ZNF423: variants seen among roughly 807,000 people sequenced by gnomAD.
ZNF423 encodes Ebf-associated zinc finger protein.
A neutral mutation model predicts 95.8 loss-of-function variants in ZNF423; 12 were observed. The ratio of observed to expected loss-of-function variants is 0.13; its 90% CI spans 0.08 to 0.20. ZNF423 has a LOEUF of 0.20. Ranked by LOEUF, ZNF423 falls within the 10% of genes least tolerant of loss-of-function variation. The pLI is 1.00. For missense variants in ZNF423, 1,316 were observed against 1,737.1 expected (o/e 0.76, Z 4.31); for synonymous variants, 749 against 711.9 (o/e 1.05, Z -0.83).
intron 3 of ZNF423, among the ~76,000 whole-genome samples, chr16:49,687,789 G>A (rs755373973): frequency 4.0e-4 from 61 of 152,136 alleles, no homozygotes; most frequent in Non-Finnish European, 5.3e-4. Flanking sequence ...CGACAAACTC[G>A]TGCCTTTCAT....
At chr16:49,660,650 C>T (rs1305190361) in intron 3 of ZNF423, among the ~76,000 whole-genome samples, 1 of 152,148 alleles carries the variant, frequency 6.6e-6, no homozygotes, top group Non-Finnish European at 1.5e-5. Flanking sequence ...CTCCAGTCTT[C>T]AGTGGGGTCT....
chr16:49,748,988 C>T (rs1470392866), intron 2 of ZNF423, among the ~76,000 whole-genome samples: 1 of 152,194 alleles, frequency 6.6e-6, no homozygotes, highest in Non-Finnish European at 1.5e-5. Context: ...CAGGCTGCAG[C>T]TTTTCCACAT....
chr16:49,659,456 T>C (rs1439337374), intron 3 of ZNF423, among the ~76,000 whole-genome samples: 1 of 152,210 alleles, frequency 6.6e-6, no homozygotes, highest in Non-Finnish European at 1.5e-5. Flanking sequence ...TTTTACGATG[T>C]ATTGTGCATT....
chr16:49,526,430 T>G (rs1447764501), intron 5 of ZNF423, among the ~76,000 whole-genome samples: 1 of 151,952 alleles, frequency 6.6e-6, no homozygotes, highest in African/African-American at 2.4e-5. Context: ...GGACACAGAG[T>G]GCCTGAGCAC....
chr16:49,561,319 A>G (rs1970009144), intron 5 of ZNF423, among the ~76,000 whole-genome samples: 1 of 152,234 alleles, frequency 6.6e-6, no homozygotes, highest in African/African-American at 2.4e-5. Context: ...TTAAATATTT[A>G]CCAACTATAT....
chr16:49,771,192 CTTTTTTTTTTT>C (rs71380376), intron 2 of ZNF423, among the ~76,000 whole-genome samples: 1 of 89,436 alleles, frequency 1.1e-5, no homozygotes, highest in African/African-American at 4.6e-5. Flanking sequence ...TTTTTTTTTT[CTTTTTTTTTTT>C]TTTTTTTTTG....
chr16:49,619,679 T>A (rs1455238383), intron 5 of ZNF423, among the ~76,000 whole-genome samples: 1 of 152,188 alleles, frequency 6.6e-6, no homozygotes, highest in African/African-American at 2.4e-5. Context: ...ACATGATCTC[T>A]GGAGGGAGAG....
At chr16:49,675,150 T>A (rs1355855087) in intron 3 of ZNF423, among the ~76,000 whole-genome samples, 2 of 152,318 alleles carry the variant, frequency 1.3e-5, no homozygotes, top group East Asian at 1.9e-4. Flanking sequence ...TCTACTAACA[T>A]GCTGTGTGAC....
At chr16:49,686,028 GC>G (rs1279157083) in intron 3 of ZNF423, among the ~76,000 whole-genome samples, 1 of 152,172 alleles carries the variant, frequency 6.6e-6, no homozygotes, top group African/African-American at 2.4e-5. Flanking sequence ...CTTCAAAGAA[GC>G]CTTTGCTTCT....
At chr16:49,677,089 G>A (rs901699885) in intron 3 of ZNF423, among the ~76,000 whole-genome samples, 14 of 150,842 alleles carry the variant, frequency 9.3e-5, no homozygotes, top group African/African-American at 2.0e-4. Flanking sequence ...GTGGTGGTGC[G>A]TGTCTGTAGT....
At chr16:49,815,875 AAAAAAAATATATATATATATAT>A (rs1480718505) in intron 1 of ZNF423, among the ~76,000 whole-genome samples, 1 of 62,132 alleles carries the variant, frequency 1.6e-5, no homozygotes, top group South Asian at 6.0e-4. Flanking sequence ...ACAAACAAAA[AAAAAAAATATATATATATATAT>A]ATATATATAT....
intron 5 of ZNF423, among the ~76,000 whole-genome samples, chr16:49,614,745 G>A (rs1214758080): frequency 6.6e-6 from 1 of 152,216 alleles, no homozygotes; most frequent in Non-Finnish European, 1.5e-5. Flanking sequence ...GAATCTGCAT[G>A]TGAATATACA....
chr16:49,751,665 A>C (rs2033635348), intron 2 of ZNF423, among the ~76,000 whole-genome samples: 1 of 152,216 alleles, frequency 6.6e-6, no homozygotes, highest in Non-Finnish European at 1.5e-5. Flanking sequence ...CTCAGCCAGA[A>C]CTAGTCTTCT....
chr16:49,794,538 G>A (rs1470456479), intron 1 of ZNF423, among the ~76,000 whole-genome samples: 1 of 152,160 alleles, frequency 6.6e-6, no homozygotes, highest in African/African-American at 2.4e-5. Context: ...AGTGGACTTC[G>A]AGTACCCTCT....
chr16:49,713,644 T>A (rs946696002), intron 3 of ZNF423, among the ~76,000 whole-genome samples: 3 of 152,172 alleles, frequency 2.0e-5, no homozygotes, highest in Non-Finnish European at 2.9e-5. Context: ...TATTAAATGC[T>A]CCTCCATCTC....
At chr16:49,715,513 G>A (rs545030758) in intron 3 of ZNF423, among the ~76,000 whole-genome samples, 3 of 152,364 alleles carry the variant, frequency 2.0e-5, no homozygotes, top group Admixed American at 6.5e-5. Context: ...GGCCAAGGCA[G>A]GAGGAGTACT....
intron 3 of ZNF423, among the ~76,000 whole-genome samples, chr16:49,681,877 C>A (rs2031372872): frequency 6.6e-6 from 1 of 152,124 alleles, no homozygotes; most frequent in African/African-American, 2.4e-5. Flanking sequence ...GAGATCCTCC[C>A]CTATCAGCCT....
intron 5 of ZNF423, among the ~76,000 whole-genome samples, chr16:49,556,604 C>T (rs1969834995): frequency 6.6e-6 from 1 of 152,190 alleles, no homozygotes; most frequent in African/African-American, 2.4e-5. Context: ...CCTCCCCCTA[C>T]CCCTCTTGGC....
At chr16:49,769,298 T>C (rs2033987630) in intron 2 of ZNF423, among the ~76,000 whole-genome samples, 1 of 148,242 alleles carries the variant, frequency 6.7e-6, no homozygotes, top group African/African-American at 2.5e-5. Flanking sequence ...GAGGTTGCAG[T>C]GAGCCGAGAT....
Sources: gnomAD v4.1 joint callset for allele counts (sites outside exome capture counted in the v4.1 genomes callset) on GRCh38, gnomAD v4.1.1 for gene constraint, MANE v1.5 for transcripts, NCBI Gene and HGNC (gene_info 2026-07-23, HGNC 2026-07-21) for gene names.